Variants in RTEL1 observed in about 807,000 individuals in gnomAD.
RTEL1 encodes the protein regulator of telomere elongation helicase 1.
RTEL1 carries 86 observed loss-of-function variants against 162.2 expected under a neutral mutation model. The ratio of observed to expected loss-of-function variants is 0.53; its 90% confidence interval spans 0.45 to 0.63. The LOEUF (loss-of-function observed/expected upper bound fraction) is 0.63, where lower values mean the gene tolerates loss of function less well. Ranked by LOEUF, RTEL1 falls within the 30% of genes least tolerant of loss-of-function variation. The probability of loss-of-function intolerance (pLI) is 0.00; values close to 1 mark genes in which losing one functional copy is unlikely to be tolerated. For missense variants in RTEL1, 1,941 were observed against 1,750.2 expected, an observed-to-expected ratio of 1.11 and a Z score of -1.95; for synonymous variants, 958 against 717.9, an observed-to-expected ratio of 1.33 and a Z score of -5.35.
chr20:63,678,375 T>C (rs1271292636), intron 12 of RTEL1, 29 bp downstream of exon 12: 6 of 1,591,408 alleles, frequency 3.8e-6, no homozygotes, highest in Non-Finnish European at 5.1e-6. Context: ...GCCCCTTCAC[T>C]GCAGGCCCAG....
At chr20:63,659,833 C>T (rs2089982377) in intron 2 of RTEL1, among the ~76,000 whole-genome samples, 1 of 152,214 alleles carries the variant, frequency 6.6e-6, no homozygotes, top group Non-Finnish European at 1.5e-5. Flanking sequence ...AGGACCTGCA[C>T]CGGCACCAGT....
intron 27 of RTEL1, 143 bp downstream of exon 27, chr20:63,691,090 TC>T: frequency 1.1e-6 from 1 of 922,696 alleles, no homozygotes; most frequent in Non-Finnish European, 1.6e-6. Context: ...GGGCGGGGGA[TC>T]CCAGCTGCCT....
Position 63,695,170 on chromosome 20 carries a change from G to C in RTEL1, c.3448G>C (p.Glu1150Gln). 6.2e-7 allele frequency: 1 copy of C among 1,612,386 alleles called. No homozygotes were observed. The change falls in exon 33 of 35, where the codon GAG becomes CAG. Residue 1150 changes from glutamate to glutamine, a missense_variant. Transcript: ENST00000360203. ...YPGMEPPGPQ[E>Q]ERLAVPPVLT... ...GGGCATGGAGCCACCGGGACCCCAG[G>C]AGGAGAGGCTTGCCGTGCCTCCTGT...
chr20:63,689,125 G>T lies in RTEL1; in HGVS notation c.1871G>T (p.Arg624Leu), dbSNP rs753779060. The T allele has an allele frequency of 3.1e-6, 5 of 1,609,008 alleles. No individual in the cohort carries two copies. The South Asian group carries it at 5.5e-5, about 18-fold the overall frequency. ...GGCGCCACCTTCCTGGCGGTCTGCCGGGGCAAGGTGAGCTCTCCAGGGCCC... is the reference window on the plus strand; with the variant it reads ...GGCGCCACCTTCCTGGCGGTCTGCCTGGGCAAGGTGAGCTCTCCAGGGCCC... ...STGATFLAVC[R>L]GKASEGLDFS... The change falls in exon 22 of 35, where the codon CGG (arginine) becomes CTG (leucine). Residue 624 changes from arginine to leucine, a missense_variant. Transcript: ENST00000360203.
intron 30 of RTEL1, among the ~76,000 whole-genome samples, chr20:63,693,541 C>CCAGCACCAGCAGCACCACCTCCACCTT (rs2090858406): frequency 7.4e-6 from 1 of 134,808 alleles, no homozygotes; most frequent in African/African-American, 2.9e-5. Flanking sequence ...ACCACCACCA[C>CCAGCACCAGCAGCACCACCTCCACCTT]CACCACCACC....
intron 11 of RTEL1, 39 bp downstream of exon 11, chr20:63,678,222 G>T (rs760518330): frequency 6.2e-7 from 1 of 1,613,126 alleles, no homozygotes; most frequent in Non-Finnish European, 8.5e-7. Context: ...AGCTGGGTGG[G>T]GCCTCCTCCT....
Position 63,692,838 on chromosome 20 carries a change from G to C in RTEL1, c.2686G>C (p.Ala896Pro), listed in dbSNP as rs769828971. 6.2e-7 allele frequency: 1 copy of C among 1,612,580 alleles called. No homozygotes were observed. The highest frequency in any genetic ancestry group is 1.1e-5 in the South Asian group (1 of 91,084). Residue 896 changes from alanine (A) to proline (P), a missense_variant, in exon 29 of 35, where the codon GCC (alanine) becomes CCC (proline). Ala to Pro is a conservative substitution (Grantham distance 27). Transcript: ENST00000360203. The part of the protein sequence containing the change: ...EPVAGAQTDR[A>P]KLFMVAVKQE... The stretch of plus-strand genomic sequence containing the variant: ...CGTGGCTGGTGCACAGACGGACAGG[G>C]CCAAGCTCTTCATGGTGGCCGTGAA...
chr20:63,672,335 G>T (rs2090260459), intron 8 of RTEL1, among the ~76,000 whole-genome samples: 1 of 152,208 alleles, frequency 6.6e-6, no homozygotes, highest in African/African-American at 2.4e-5. Context: ...CGTGGCACGT[G>T]CCTTTCCATG....
intron 12 of RTEL1, among the ~76,000 whole-genome samples, chr20:63,678,875 AACAGCACACACACTCCCACAG>A (rs1012733471): frequency 0.029 from 4,029 of 138,956 alleles, 490 homozygotes; most frequent in African/African-American, 0.12. Context: ...TCTCCCACGG[AACAGCACACACACTCCCACAG>A]ACAGCACACA....
intron 8 of RTEL1, among the ~76,000 whole-genome samples, chr20:63,670,810 C>G (rs1467737285): frequency 1.5e-5 from 2 of 129,258 alleles, no homozygotes; most frequent in Non-Finnish European, 3.4e-5. Flanking sequence ...TAGGGAGACC[C>G]CATCTCAAAA....
In RTEL1 at chr20:63,691,726, G is replaced by C; in HGVS notation, c.2557-16G>C. 6.2e-7 allele frequency: 1 copy of C among 1,609,104 alleles called. No homozygotes were observed. Among genetic ancestry groups the C allele is most frequent in the South Asian group, 1.1e-5 (1 of 91,008 alleles). ...GGTTGGGGTCTGTGTGTGGTTGTGA[G>C]CTGTGTCCTCCTCAGGCCCACAGCT... is the stretch of plus-strand genomic sequence containing the variant. On this transcript the variant is annotated splice_polypyrimidine_tract_variant and intron_variant, in intron 27 of 34. Transcript: ENST00000360203.
chr20:63,681,357 C>A, intron 14 of RTEL1: 2 of 985,312 alleles, frequency 2.0e-6, no homozygotes, highest in Non-Finnish European at 2.4e-6. Context: ...TCCGGGGCCT[C>A]GGTGGCTTTT....
At position 63,695,389 on chromosome 20, in the gene RTEL1, G is replaced by C; in HGVS notation, c.3561G>C (p.Gln1187His). 6.4e-7 allele frequency: 1 copy of C among 1,553,716 alleles called. No homozygotes were observed. Among genetic ancestry groups the C allele is most frequent in the Non-Finnish European group, 8.7e-7 (1 of 1,149,516 alleles). Residue 1187 changes from glutamine to histidine, a missense_variant, in exon 34 of 35, where the codon CAG becomes CAC. By Grantham distance (24) the Gln-to-His change is conservative (BLOSUM62 0). Transcript: ENST00000360203. ...TQSKISSFLR[Q>H]RPAGTVGAGG... ...GCAAGATCTCGTCCTTCCTTAGACAGAGGCCAGCAGGGACTGTGGGGGCGG... is the reference window on the plus strand; with the variant it reads ...GCAAGATCTCGTCCTTCCTTAGACACAGGCCAGCAGGGACTGTGGGGGCGG...
intron 10 of RTEL1, 152 bp from the exon 11 acceptor site, chr20:63,677,993 A>G: frequency 2.6e-6 from 2 of 775,050 alleles, no homozygotes; most frequent in Non-Finnish European, 4.2e-6. Flanking sequence ...CTTCCTTCCC[A>G]TGTTGGTGGA....
Position 63,688,341 on chromosome 20 carries a change from C to T in RTEL1, c.1677C>T (p.Phe559=), listed in dbSNP as rs374168761. The change falls in exon 20 of 35, where the codon TTC becomes TTT. Residue 559 remains phenylalanine, a synonymous_variant. Coordinates refer to ENST00000360203, the MANE Select transcript of RTEL1 (RefSeq NM_001283009.2). ...ARVVPYGLLI[F]FPSYPVMEKS... ...TGGTGCCCTATGGGCTCCTGATCTT[C>T]TTCCCTTCCTATCCTGTCATGGAGA... The T allele has an allele frequency of 2.5e-6, 4 of 1,612,574 alleles. No individual in the cohort carries two copies. In the African/African-American group the frequency reaches 4.0e-5, roughly 16 times the overall value.
chr20:63,691,020 C>T, intron 27 of RTEL1, 73 bp downstream of exon 27: 13 of 1,418,438 alleles, frequency 9.2e-6, no homozygotes, highest in Non-Finnish European at 1.1e-5. Flanking sequence ...GCCCATCTGG[C>T]CTCAGGCACC....
intron 12 of RTEL1, among the ~76,000 whole-genome samples, chr20:63,679,300 T>G (rs2090434759): frequency 6.6e-6 from 1 of 152,106 alleles, no homozygotes; most frequent in Non-Finnish European, 1.5e-5. Context: ...GGAGCCACTG[T>G]CCTCAGCGTA....
chr20:63,695,252 C>T (rs201195852), intron 33 of RTEL1, 31 bp downstream of exon 33: 58 of 1,607,460 alleles, frequency 3.6e-5, no homozygotes, highest in Non-Finnish European at 4.4e-5. Context: ...CTCCTGGCAG[C>T]GCCCCAACCG....
intron 32 of RTEL1, 42 bp from the exon 33 acceptor site, chr20:63,695,024 C>G (rs1412353056): frequency 1.1e-5 from 17 of 1,609,498 alleles, no homozygotes; most frequent in Non-Finnish European, 1.4e-5. Flanking sequence ...GGGCAGGGGA[C>G]AAAATGGGGG....
Sources: gnomAD v4.1 joint callset for allele counts (sites outside exome capture counted in the v4.1 genomes callset) on GRCh38, gnomAD v4.1.1 for gene constraint, MANE v1.5 for transcripts, NCBI Gene and HGNC (gene_info 2026-07-23, HGNC 2026-07-21) for gene names.